The following DCAF10 variants were observed in gnomAD, a reference collection of about 807,000 sequenced individuals.
The protein encoded by DCAF10 is DDB1- and CUL4-associated factor 10.
DCAF10 carries 19 observed loss-of-function variants against 51.9 expected under a neutral mutation model. The ratio of observed to expected loss-of-function variants is 0.37; its 90% CI spans 0.26 to 0.54. The LOEUF (loss-of-function observed/expected upper bound fraction) is 0.54, where lower values mean the gene tolerates loss of function less well. Among genes scored for constraint, DCAF10 ranks in the 20% least tolerant of loss-of-function variants. The pLI is 0.87. For synonymous variants in DCAF10, 291 were observed against 297.1 expected, an observed-to-expected ratio of 0.98 and a Z score of 0.21; for missense variants, 510 against 730.6, an observed-to-expected ratio of 0.70 and a Z score of 3.48.
intron 2 of DCAF10, among the ~76,000 whole-genome samples, chr9:37,821,124 C>G (rs1829690212): frequency 1.3e-5 from 2 of 151,824 alleles, no homozygotes; most frequent in South Asian, 4.1e-4. Flanking sequence ...CACACTCACA[C>G]ATATGTACAT....
At chr9:37,841,393 G>A (rs1331930360) in intron 2 of DCAF10, among the ~76,000 whole-genome samples, 4 of 152,166 alleles carry the variant, frequency 2.6e-5, no homozygotes, top group Admixed American at 2.6e-4. Flanking sequence ...AAAAATTCAA[G>A]TGTGAATAGT....
At chr9:37,813,462 T>C (rs765259217) in intron 1 of DCAF10, among the ~76,000 whole-genome samples, 8 of 152,266 alleles carry the variant, frequency 5.3e-5, no homozygotes, top group Non-Finnish European at 8.8e-5. Context: ...GTAAATTCTC[T>C]GGTGACAGAT....
intron 1 of DCAF10, among the ~76,000 whole-genome samples, chr9:37,808,686 A>C (rs1387891892): frequency 1.3e-4 from 14 of 104,454 alleles, no homozygotes; most frequent in African/African-American, 6.7e-4. Context: ...ATAAAATATA[A>C]ATATATATTT....
intron 3 of DCAF10, among the ~76,000 whole-genome samples, chr9:37,854,231 T>C (rs1830779304): frequency 6.6e-6 from 1 of 151,946 alleles, no homozygotes. Flanking sequence ...TCCTGAGTAG[T>C]TGGAACTATG....
intron 1 of DCAF10, among the ~76,000 whole-genome samples, chr9:37,817,995 CA>C (rs1292371849): frequency 6.6e-6 from 1 of 151,472 alleles, no homozygotes; most frequent in Non-Finnish European, 1.5e-5. Context: ...GAAAAGATTT[CA>C]ACTTTTTTTT....
At chr9:37,811,641 A>G (rs1448640788) in intron 1 of DCAF10, among the ~76,000 whole-genome samples, 1 of 152,162 alleles carries the variant, frequency 6.6e-6, no homozygotes, top group East Asian at 1.9e-4. Context: ...CAGCTGAAGG[A>G]TTTGTGAGCT....
chr9:37,861,646 T>C lies in DCAF10; in HGVS notation c.*138T>C, dbSNP rs1011982491. ...GTTCTTATGGGTCCATGAACACACT[T>C]GTGACCTTAGTACTTGGTCATCCAG... is the stretch of plus-strand genomic sequence containing the variant. On this transcript the variant is annotated 3_prime_UTR_variant, in exon 7 of 7. Coordinates refer to ENST00000377724, the MANE Select transcript of DCAF10 (RefSeq NM_024345.5). The surrounding 1 kb of genome is among the most constrained non-coding windows in gnomAD (Gnocchi z 4.9). 1.3e-5 allele frequency: 16 copies of C among 1,254,512 alleles called. No individual in the cohort carries two copies. The African/African-American group carries it at 1.8e-4, about 14-fold the overall frequency. 77.7% of individuals were successfully genotyped at this position (1,254,512 alleles called of 1,614,324 possible).
chr9:37,808,618 ATATT>A (rs1368166910), intron 1 of DCAF10, among the ~76,000 whole-genome samples: 4 of 80,390 alleles, frequency 5.0e-5, no homozygotes, highest in Admixed American at 2.1e-4. Context: ...AAAATATAAT[ATATT>A]TATATAATAT....
chr9:37,860,469 A>G, intron 6 of DCAF10: 1 of 312,716 alleles, frequency 3.2e-6, no homozygotes, highest in Non-Finnish European at 5.9e-6. Context: ...AGCTTCTTAA[A>G]TCTTGCCTCT....
At position 37,800,969 on chromosome 9, in the gene DCAF10, C is replaced by T. The variant is rs1416797519; in HGVS notation, c.103C>T (p.Pro35Ser). 7 of 1,515,226 alleles carry T rather than the reference C, an allele frequency of 4.6e-6. 1 individual carries two copies. The South Asian group carries it at 7.5e-5, about 16-fold the overall frequency. 93.9% of individuals were successfully genotyped at this position (1,515,226 alleles called of 1,614,324 possible). ...GGGGCAGGCAGCAGCCACCGGGCCG[C>T]CCTCGCCACTACATCCCGGGGCTGA... ...HEGQAAATGP[P>S]SPLHPGADAT... The change falls in exon 1 of 7, where the codon CCC becomes TCC. Residue 35 changes from proline to serine, a missense_variant. Pro to Ser is a moderately conservative substitution (Grantham distance 74). Around this residue, in one of 4 missense-constraint regions of DCAF10, gnomAD observed 251 missense variants for 227.9 expected, o/e 1.10. Transcript: ENST00000377724.
At position 37,854,948 on chromosome 9, in the gene DCAF10, C is replaced by G; in HGVS notation, c.1020C>G (p.Pro340=). 6.2e-7 allele frequency: 1 copy of G among 1,612,738 alleles called. No homozygotes were observed. Among genetic ancestry groups the G allele is most frequent in the Non-Finnish European group, 8.5e-7 (1 of 1,179,660 alleles). Residue 340 remains proline (P), a synonymous_variant, in exon 4 of 7, where the codon CCC becomes CCG. Transcript: ENST00000377724. ...AGTCTTTAGAAGTAGGCAGCTATCC[C>G]ATTTTAAGAGCAAGAAGAACTACTT... The part of the protein sequence containing the change: ...LTKSLEVGSY[P]ILRARRTTSS...
intron 3 of DCAF10, among the ~76,000 whole-genome samples, chr9:37,846,629 G>A (rs1357487492): frequency 6.6e-6 from 1 of 151,946 alleles, no homozygotes; most frequent in Non-Finnish European, 1.5e-5. Context: ...GCTAATTTTT[G>A]TATTCTTAGT....
chr9:37,822,317 G>C (rs12351211), intron 2 of DCAF10, among the ~76,000 whole-genome samples: 4,446 of 148,468 alleles, frequency 0.03, 219 homozygotes, highest in African/African-American at 0.11. Flanking sequence ...ACTTGCACAC[G>C]CATGTTTATA....
intron 3 of DCAF10, among the ~76,000 whole-genome samples, 193 bp downstream of exon 3, chr9:37,842,479 A>G (rs1830363029): frequency 6.6e-6 from 1 of 152,234 alleles, no homozygotes; most frequent in South Asian, 2.1e-4. Context: ...AAAATTATAC[A>G]GGAAGGAGAC....
chr9:37,814,395 G>A (rs567402398), intron 1 of DCAF10, among the ~76,000 whole-genome samples: 14 of 135,084 alleles, frequency 1.0e-4, no homozygotes, highest in Admixed American at 1.7e-4. Context: ...TGATCCGCCC[G>A]CCTCGGCCTC....
intron 1 of DCAF10, among the ~76,000 whole-genome samples, chr9:37,809,764 C>T (rs1275378795): frequency 3.9e-5 from 6 of 152,146 alleles, no homozygotes; most frequent in Admixed American, 1.3e-4. Flanking sequence ...ACCCGAGGGG[C>T]GGAGGTTGCA....
At chr9:37,855,085 AG>A in intron 4 of DCAF10, 103 bp downstream of exon 4, 1 of 1,152,984 alleles carries the variant, frequency 8.7e-7, no homozygotes, top group Non-Finnish European at 1.2e-6. Context: ...AAGGGAAGAC[AG>A]TTTTTTAAAA....
intron 1 of DCAF10, among the ~76,000 whole-genome samples, chr9:37,810,847 A>T (rs1829321335): frequency 6.6e-6 from 1 of 152,076 alleles, no homozygotes; most frequent in African/African-American, 2.4e-5. Flanking sequence ...TAGGTTTGGG[A>T]TTGAAACTCC....
At position 37,857,258 on chromosome 9, in the gene DCAF10, A is replaced by C. The variant is rs770749025; in HGVS notation, c.1072A>C (p.Ser358Arg). Residue 358 changes from serine (S) to arginine (R), a missense_variant, in exon 5 of 7, where the codon AGT becomes CGT. Physicochemically the swap from Ser to Arg is moderately radical, Grantham distance 110 (BLOSUM62 -1). This residue lies in a region of DCAF10 where 126 missense variants were observed against 271.5 expected (regional missense o/e 0.46). Coordinates refer to ENST00000377724, the MANE Select transcript of DCAF10 (RefSeq NM_024345.5). ...TTTTTAAGATTTGACCACTTCATCA[A>C]GTTCATCTGGTCCTAGAGTTTCTGG... Reference protein sequence around the residue: ...TSSSDLTTSSSSSGPRVSGSP... With the variant: ...TSSSDLTTSSRSSGPRVSGSP... 2.5e-6 allele frequency: 4 copies of C among 1,600,210 alleles called. No homozygotes were observed. The highest frequency in any genetic ancestry group is 3.5e-5 in the Admixed American group (2 of 56,590).
Sources: allele counts gnomAD v4.1 joint callset (sites outside exome capture counted in the v4.1 genomes callset), GRCh38; gene constraint gnomAD v4.1.1; regional missense constraint gnomAD v4.1.1; non-coding constraint Gnocchi (gnomAD v3.1); transcripts MANE v1.5; gene names NCBI Gene and HGNC (gene_info 2026-07-23, HGNC 2026-07-21).